The following RBFOX1 variants were observed in gnomAD, a reference collection of about 807,000 sequenced individuals.
The protein encoded by RBFOX1 is RNA binding protein fox-1 homolog 1.
A neutral mutation model predicts 57.7 loss-of-function variants in RBFOX1; 8 were observed. The ratio of observed to expected loss-of-function variants is 0.14; its 90% CI spans 0.08 to 0.25. RBFOX1 has a LOEUF of 0.25. Ranked by LOEUF, RBFOX1 falls within the 10% of genes least tolerant of loss-of-function variation. The pLI, the probability that RBFOX1 is intolerant of heterozygous loss-of-function variation, is 1.00. For synonymous variants in RBFOX1, 326 were observed against 222.4 expected (o/e 1.47, Z -4.15); for missense variants, 611 against 548.5 (o/e 1.11, Z -1.14).
At chr16:6,061,417 A>G (rs985132835) in intron 1 of RBFOX1, among the ~76,000 whole-genome samples, 14 of 148,936 alleles carry the variant, frequency 9.4e-5, no homozygotes, top group Non-Finnish European at 1.3e-4. Context: ...TGTCTATATA[A>G]TGTTTTGTTA....
intron 2 of RBFOX1, among the ~76,000 whole-genome samples, chr16:6,487,253 T>A (rs1775554476): frequency 1.3e-5 from 2 of 151,496 alleles, no homozygotes; most frequent in South Asian, 2.1e-4. Flanking sequence ...AGGTTATGAA[T>A]TCAAGCAATT....
At chr16:6,726,039 G>C (rs2067096022) in intron 3 of RBFOX1, among the ~76,000 whole-genome samples, 1 of 152,142 alleles carries the variant, frequency 6.6e-6, no homozygotes, top group Non-Finnish European at 1.5e-5. Flanking sequence ...GGCAAAGAGA[G>C]AGGAATTAAG....
At chr16:6,036,544 A>T (rs1397259538) in intron 1 of RBFOX1, among the ~76,000 whole-genome samples, 1 of 152,140 alleles carries the variant, frequency 6.6e-6, no homozygotes, top group Non-Finnish European at 1.5e-5. Flanking sequence ...CCTGTTTCTG[A>T]TTCTAAGAAA....
At chr16:7,445,611 G>C (rs1436746297) in intron 4 of RBFOX1, among the ~76,000 whole-genome samples, 1 of 152,140 alleles carries the variant, frequency 6.6e-6, no homozygotes. Context: ...ATGAAACCCT[G>C]CACAGAATCC....
chr16:7,408,473 T>C lies in RBFOX1; in HGVS notation c.28-109674T>C, dbSNP rs188283855. Among the ~76,000 whole-genome samples, 5 of 152,318 alleles carry C rather than the reference T, an allele frequency of 3.3e-5. No individual in the cohort carries two copies. In the East Asian group the frequency reaches 9.7e-4, roughly 29 times the overall value. On this transcript the variant is annotated intron_variant, in intron 4 of 15. Transcript: ENST00000550418. ...AAATATTCCGTAAATATCCTTAAAT[T>C]ATAACGTCTGTTTGATCTGCTGAGA...
At chr16:6,960,151 G>T (rs1031739277) in intron 3 of RBFOX1, among the ~76,000 whole-genome samples, 2 of 151,966 alleles carry the variant, frequency 1.3e-5, no homozygotes, top group African/African-American at 2.4e-5. Context: ...AAGTTTTTTG[G>T]GTTTCTAAAG....
At chr16:6,566,145 T>G (rs994426944) in intron 2 of RBFOX1, among the ~76,000 whole-genome samples, 2 of 152,202 alleles carry the variant, frequency 1.3e-5, no homozygotes, top group Admixed American at 6.5e-5. Context: ...AACAAGACAT[T>G]CAGCTATGCC....
chr16:7,607,681 G>C (rs1292404540), intron 10 of RBFOX1, among the ~76,000 whole-genome samples: 1 of 152,152 alleles, frequency 6.6e-6, no homozygotes, highest in Admixed American at 6.5e-5. Flanking sequence ...CTGAATGTGT[G>C]TTTTAGCCAT....
chr16:5,282,154 T>G (rs1390436539), intron 1 of RBFOX1, among the ~76,000 whole-genome samples: 1 of 152,186 alleles, frequency 6.6e-6, no homozygotes, highest in Non-Finnish European at 1.5e-5. Context: ...AGGAGGAGTT[T>G]CCCTGCTCAA....
At chr16:6,707,081 T>C (rs2062882052) in intron 3 of RBFOX1, among the ~76,000 whole-genome samples, 1 of 152,202 alleles carries the variant, frequency 6.6e-6, no homozygotes. Context: ...ATAATCTCTT[T>C]CCAGACTTCC....
intron 4 of RBFOX1, among the ~76,000 whole-genome samples, chr16:7,379,687 T>G (rs2097753923): frequency 6.6e-6 from 1 of 152,028 alleles, no homozygotes; most frequent in Non-Finnish European, 1.5e-5. Context: ...CTGAAATTAT[T>G]TCTTAAGCTG....
In RBFOX1 at chr16:6,754,979, T is replaced by C. The variant is rs146486621; in HGVS notation, c.-16+100329T>C. The stretch of plus-strand genomic sequence containing the variant: ...GTTTGGTTTTTTGTTCTTGGGATAG[T>C]TTACTGAGAATGATGATTTCCAATT... On this transcript the variant is annotated intron_variant, in intron 3 of 15. Transcript: ENST00000550418. 1.8e-4 allele frequency among the ~76,000 whole-genome samples: 27 copies of C among 152,202 alleles called. 1 individual carries two copies. The East Asian group carries it at 2.1e-3, about 12-fold the overall frequency.
chr16:5,649,762 C>T (rs2049171565), intron 3 of RBFOX1, among the ~76,000 whole-genome samples: 1 of 152,214 alleles, frequency 6.6e-6, no homozygotes, highest in Non-Finnish European at 1.5e-5. Flanking sequence ...TCATGTACAA[C>T]TCGCTGTTTT....
rs551101926 is a variant in RBFOX1 at position 7,035,829 on chromosome 16, C to T, written c.-15-16228C>T. On this transcript the variant is annotated intron_variant, in intron 3 of 15. Coordinates refer to ENST00000550418, the MANE Select transcript of RBFOX1 (RefSeq NM_018723.4). The stretch of plus-strand genomic sequence containing the variant: ...TTTTAAGAGTTCATTTTGTGTGAAG[C>T]ATATGTCTTCCAGCACTCCTTCCAT... Among the ~76,000 whole-genome samples, 51 of 152,170 alleles carry T rather than the reference C, an allele frequency of 3.4e-4. 1 individual carries two copies. The South Asian group carries it at 9.5e-3, about 28-fold the overall frequency.
intron 4 of RBFOX1, among the ~76,000 whole-genome samples, chr16:7,336,363 T>C (rs975637884): frequency 1.3e-5 from 2 of 152,264 alleles, no homozygotes; most frequent in African/African-American, 4.8e-5. Context: ...CCTTGGGCCA[T>C]ACATGGCCAA....
intron 2 of RBFOX1, among the ~76,000 whole-genome samples, chr16:6,486,047 A>G (rs1278298086): frequency 1.5e-5 from 2 of 129,924 alleles, no homozygotes; most frequent in East Asian, 2.3e-4. Flanking sequence ...TACTAGGAGT[A>G]TGATACAAAA....
At chr16:6,109,848 T>C (rs1381883112) in intron 1 of RBFOX1, among the ~76,000 whole-genome samples, 1 of 152,310 alleles carries the variant, frequency 6.6e-6, no homozygotes, top group South Asian at 2.1e-4. Flanking sequence ...TTACATCAAA[T>C]AGGATATTAT....
At chr16:7,131,864 A>AG (rs1410840488) in intron 4 of RBFOX1, among the ~76,000 whole-genome samples, 3 of 152,060 alleles carry the variant, frequency 2.0e-5, no homozygotes, top group African/African-American at 7.2e-5. Context: ...TAACTTCCAG[A>AG]GGGGCACATC....
At chr16:7,116,014 C>T (rs1412546470) in intron 4 of RBFOX1, among the ~76,000 whole-genome samples, 1 of 152,132 alleles carries the variant, frequency 6.6e-6, no homozygotes, top group Non-Finnish European at 1.5e-5. Context: ...TTGTGCCAGG[C>T]ACTGTACTAA....
Sources: allele counts gnomAD v4.1 joint callset (sites outside exome capture counted in the v4.1 genomes callset), GRCh38; gene constraint gnomAD v4.1.1; transcripts MANE v1.5; gene names NCBI Gene and HGNC (gene_info 2026-07-23, HGNC 2026-07-21).